The following DPP10 variants were observed in gnomAD, a reference collection of about 807,000 sequenced individuals.
DPP10 encodes dipeptidyl peptidase like 10, also known as inactive dipeptidyl peptidase 10.
In DPP10, 33 loss-of-function variants were observed where a neutral mutation model predicts 120.9. The ratio of observed to expected loss-of-function variants is 0.27; its 90% CI spans 0.21 to 0.37. The LOEUF (loss-of-function observed/expected upper bound fraction) is 0.37. Ranked by LOEUF, DPP10 falls within the 10% of genes least tolerant of loss-of-function variation. The pLI is 1.00. For synonymous variants in DPP10, 337 were observed against 326.1 expected (o/e 1.03, Z -0.36); for missense variants, 816 against 942.8 (o/e 0.87, Z 1.76).
chr2:114,696,622 G>T (rs568314234), intron 1 of DPP10, among the ~76,000 whole-genome samples: 1 of 151,982 alleles, frequency 6.6e-6, no homozygotes, highest in South Asian at 2.1e-4. Context: ...TAGCAAACTA[G>T]ATGCAATATA....
chr2:115,208,852 A>C (rs927829176), intron 1 of DPP10, among the ~76,000 whole-genome samples: 2 of 152,154 alleles, frequency 1.3e-5, no homozygotes, highest in African/African-American at 2.4e-5. Flanking sequence ...GGAAGTGTAC[A>C]TTTAGGAGCA....
chr2:115,494,445 A>G (rs1476295286), intron 3 of DPP10, among the ~76,000 whole-genome samples: 2 of 152,176 alleles, frequency 1.3e-5, no homozygotes, highest in African/African-American at 4.8e-5. Context: ...TAATGGCCTC[A>G]GTTTCTTCAG....
chr2:115,699,022 G>GAAAA lies in DPP10; in HGVS notation c.576+9111_576+9114dup, dbSNP rs758818861. ...TGGCAAACCTTTAGTTAGCTTGACT[G>GAAAA]AAAAAAAAAAAAACAAAAAAAAAAA... On this transcript the variant is annotated intron_variant, in intron 7 of 25. Transcript: ENST00000410059. Among the ~76,000 whole-genome samples the GAAAA allele has an allele frequency of 3.2e-3, 126 of 39,124 alleles. 4 individuals are homozygous for GAAAA. Among genetic ancestry groups the GAAAA allele is most frequent in the East Asian group, 4.6e-3 (3 of 652 alleles). 25.7% of individuals were successfully genotyped at this position (39,124 alleles called of 152,430 possible).
chr2:115,326,755 A>G (rs564849096), intron 2 of DPP10, among the ~76,000 whole-genome samples: 11 of 152,106 alleles, frequency 7.2e-5, no homozygotes, highest in Non-Finnish European at 1.5e-4. Context: ...TTATGCAATA[A>G]GGACATAAAG....
intron 1 of DPP10, among the ~76,000 whole-genome samples, chr2:115,039,760 G>A (rs530182180): frequency 7.9e-5 from 12 of 152,026 alleles, no homozygotes; most frequent in African/African-American, 2.4e-4. Flanking sequence ...TAATTGTGAC[G>A]CACTCTACCC....
At chr2:115,608,890 G>A (rs1177551608) in intron 5 of DPP10, among the ~76,000 whole-genome samples, 3 of 151,718 alleles carry the variant, frequency 2.0e-5, no homozygotes, top group Non-Finnish European at 2.9e-5. Context: ...TGAAGACATT[G>A]AAAAAGAACA....
chr2:114,669,541 TA>T (rs1698178904), intron 1 of DPP10, among the ~76,000 whole-genome samples: 1 of 152,178 alleles, frequency 6.6e-6, no homozygotes, highest in Non-Finnish European at 1.5e-5. Flanking sequence ...AGGTTGACAG[TA>T]TTGAATTGAT....
At chr2:115,005,064 A>G (rs1701718847) in intron 1 of DPP10, among the ~76,000 whole-genome samples, 1 of 151,908 alleles carries the variant, frequency 6.6e-6, no homozygotes, top group South Asian at 2.1e-4. Context: ...CTGACCCCTG[A>G]CCCCCGAGAA....
At chr2:114,914,185 G>A (rs576823470) in intron 1 of DPP10, among the ~76,000 whole-genome samples, 27 of 152,184 alleles carry the variant, frequency 1.8e-4, no homozygotes, top group African/African-American at 5.1e-4. Context: ...CCAACCTCAC[G>A]TGCAAATCTA....
chr2:115,141,757 AAGG>A (rs2050938728), intron 1 of DPP10, among the ~76,000 whole-genome samples: 1 of 152,106 alleles, frequency 6.6e-6, no homozygotes. Context: ...TACAATAGGA[AAGG>A]AGGTTTTTTG....
intron 3 of DPP10, among the ~76,000 whole-genome samples, chr2:115,346,401 A>C (rs1436947019): frequency 6.6e-6 from 1 of 152,142 alleles, no homozygotes; most frequent in Admixed American, 6.6e-5. Context: ...TGCTTAATGC[A>C]TTATTGGTCA....
At chr2:114,722,927 GA>G (rs958906922) in intron 1 of DPP10, among the ~76,000 whole-genome samples, 22 of 151,508 alleles carry the variant, frequency 1.5e-4, no homozygotes, top group South Asian at 4.2e-4. Context: ...AACTGGGTAA[GA>G]AAAAAAAATT....
At chr2:114,536,371 C>G (rs1203296142) in intron 1 of DPP10, among the ~76,000 whole-genome samples, 1 of 149,420 alleles carries the variant, frequency 6.7e-6, no homozygotes, top group African/African-American at 2.5e-5. Context: ...TAGTGTATTC[C>G]TTTTTTTTCT....
chr2:114,947,086 G>C (rs1275888620), intron 1 of DPP10, among the ~76,000 whole-genome samples: 1 of 151,750 alleles, frequency 6.6e-6, no homozygotes, highest in Non-Finnish European at 1.5e-5. Flanking sequence ...TTATCTGTTT[G>C]TTTAACCACT....
chr2:114,498,442 G>C (rs980722066), intron 1 of DPP10, among the ~76,000 whole-genome samples: 24 of 152,128 alleles, frequency 1.6e-4, no homozygotes, highest in Non-Finnish European at 2.5e-4. Context: ...TATGTCAAAG[G>C]AATATCTTCT....
intron 19 of DPP10, among the ~76,000 whole-genome samples, chr2:115,798,569 G>A (rs1684806163): frequency 6.6e-6 from 1 of 152,082 alleles, no homozygotes. Context: ...ATGATGGGAG[G>A]CTAGGCCAGA....
intron 1 of DPP10, among the ~76,000 whole-genome samples, chr2:115,016,033 T>C (rs927837810): frequency 3.3e-5 from 5 of 152,032 alleles, no homozygotes; most frequent in Non-Finnish European, 7.4e-5. Context: ...AAAGAGCCCA[T>C]ATAGCCAAGA....
At chr2:115,449,835 C>T (rs1188029389) in intron 3 of DPP10, among the ~76,000 whole-genome samples, 2 of 151,994 alleles carry the variant, frequency 1.3e-5, no homozygotes, top group East Asian at 1.9e-4. Context: ...ACAGAAGTTA[C>T]GTGAAAATTA....
intron 1 of DPP10, among the ~76,000 whole-genome samples, chr2:114,444,916 CA>C (rs1447829422): frequency 6.6e-6 from 1 of 152,016 alleles, no homozygotes; most frequent in Admixed American, 6.6e-5. Flanking sequence ...TTGCAATTTG[CA>C]ATAGTGAAAA....
Sources: allele counts gnomAD v4.1 joint callset (sites outside exome capture counted in the v4.1 genomes callset), GRCh38; gene constraint gnomAD v4.1.1; transcripts MANE v1.5; gene names NCBI Gene and HGNC (gene_info 2026-07-23, HGNC 2026-07-21).